Variants in AP3B2 observed in about 807,000 individuals in gnomAD.
AP3B2 encodes the protein AP-3 complex subunit beta-2.
Under a neutral mutation model 126.9 loss-of-function variants are expected in AP3B2, and 50 were observed. The observed-to-expected ratio is 0.39, with a 90% confidence interval of 0.31 to 0.50. AP3B2 has a LOEUF of 0.50. AP3B2 is among the 20% of genes least tolerant of loss of function. AP3B2 has a pLI of 0.79. For missense variants in AP3B2, 1,177 were observed against 1,426.4 expected, an observed-to-expected ratio of 0.83 and a Z score of 2.82; for synonymous variants, 541 against 565.0, an observed-to-expected ratio of 0.96 and a Z score of 0.60.
rs368511865 is a variant in AP3B2, at chr15:82,669,894, G to A, written c.1666-2961C>T. ...TGCATGCCTGTAATCCCAGCTACTC[G>A]GGAGGCTGAGGCAGGAGAATTGCTT... is the stretch of plus-strand genomic sequence containing the variant. On this transcript the variant is annotated intron_variant, in intron 14 of 26. Transcript: ENST00000535359. Among the ~76,000 whole-genome samples the A allele has an allele frequency of 3.0e-3, 428 of 141,558 alleles. 6 individuals are homozygous for A. Among genetic ancestry groups the A allele is most frequent in the Non-Finnish European group, 2.0e-3 (131 of 64,588 alleles). 92.9% of individuals were successfully genotyped at this position (141,558 alleles called of 152,430 possible). A position where few individuals can be genotyped will look rare whatever the true frequency, so the allele number is the denominator to read the frequency against.
intron 1 of AP3B2, among the ~76,000 whole-genome samples, chr15:82,707,054 G>A (rs112029740): frequency 2.6e-5 from 4 of 152,042 alleles, no homozygotes; most frequent in South Asian, 2.1e-4. Context: ...AGGCCACTGC[G>A]GTCATTTCTT....
chr15:82,670,787 A>G (rs973823873), intron 14 of AP3B2, among the ~76,000 whole-genome samples: 2 of 152,206 alleles, frequency 1.3e-5, no homozygotes, highest in Non-Finnish European at 2.9e-5. Flanking sequence ...AAAAATTTGC[A>G]AACTACCCAT....
In AP3B2 at chr15:82,665,376, A is replaced by AACACACACAC. The variant is rs60428596; in HGVS notation, c.1971+71_1972-74dup. On this transcript the variant is annotated intron_variant, in intron 16 of 26. Coordinates refer to ENST00000535359, the MANE Select transcript of AP3B2 (RefSeq NM_001278512.2). The surrounding 1 kb of genome is among the most constrained non-coding windows in gnomAD (Gnocchi z 4.4). ...GGGCTCCCTACTGTCTGCCCCCACC[A>AACACACACAC]ACACACACACACACACACACACACA... 2,067 of 1,255,804 alleles carry AACACACACAC rather than the reference A, an allele frequency of 1.6e-3. 4 individuals carry two copies. The highest frequency in any genetic ancestry group is 4.8e-3 in the African/African-American group (276 of 58,040). The allele number at this position is 1,255,804 out of a possible 1,614,324, so 77.8% of individuals were successfully genotyped here. A position where few individuals can be genotyped will look rare whatever the true frequency, so the allele number is the denominator to read the frequency against.
chr15:82,684,349 G>A (rs1278341847), intron 4 of AP3B2, among the ~76,000 whole-genome samples: 1 of 152,022 alleles, frequency 6.6e-6, no homozygotes, highest in Non-Finnish European at 1.5e-5. Context: ...TTTTGTTATG[G>A]AGATGGCTTC....
In AP3B2 at chr15:82,677,998, T is replaced by C. The variant is rs545724913; in HGVS notation, c.1245+107A>G. On this transcript the variant is annotated intron_variant, in intron 11 of 26. Coordinates refer to ENST00000535359, the MANE Select transcript of AP3B2 (RefSeq NM_001278512.2). The stretch of plus-strand genomic sequence containing the variant: ...AACACATTGGAACGGGAATGTAAGA[T>C]AATAGTTTCTCCAGCCTTGGGCTCA... The C allele has an allele frequency of 2.3e-5, 33 of 1,415,364 alleles. No homozygotes were observed. The African/African-American group carries it at 4.1e-4, about 18-fold the overall frequency. 87.7% of individuals were successfully genotyped at this position (1,415,364 alleles called of 1,614,324 possible). A position where few individuals can be genotyped will look rare whatever the true frequency, so the allele number is the denominator to read the frequency against.
At chr15:82,671,833 C>T (rs2048164513) in intron 14 of AP3B2, among the ~76,000 whole-genome samples, 1 of 151,982 alleles carries the variant, frequency 6.6e-6, no homozygotes, top group East Asian at 1.9e-4. Context: ...CACTTGCGGC[C>T]AGGAGTTCAA....
At chr15:82,691,628 C>T in intron 1 of AP3B2, 5 of 974,734 alleles carry the variant, frequency 5.1e-6, no homozygotes, top group South Asian at 4.0e-5. Flanking sequence ...AAAATAATTT[C>T]CTAAGACGCT....
At position 82,665,304 on chromosome 15, in the gene AP3B2, C is replaced by CTG. The variant is rs1259238416; in HGVS notation, c.1972-3_1972-2dup. 1.1e-5 allele frequency: 17 copies of CTG among 1,566,680 alleles called. 1 individual carries two copies. Among genetic ancestry groups the CTG allele is most frequent in the African/African-American group, 4.1e-5 (3 of 73,596 alleles). The stretch of plus-strand genomic sequence containing the variant: ...TCTCAATAAGGGAGAGATCTTCTTC[C>CTG]TGTGTGTGTGGGGGAGGGTGTTAGG... On this transcript the variant is annotated splice_acceptor_variant, in intron 16 of 26. Transcript: ENST00000535359. LOFTEE classifies it high-confidence loss of function. The surrounding 1 kb of genome is among the most constrained non-coding windows in gnomAD (Gnocchi z 4.4).
intron 1 of AP3B2, among the ~76,000 whole-genome samples, chr15:82,708,474 C>T (rs1396662689): frequency 6.6e-6 from 1 of 151,892 alleles, no homozygotes. Flanking sequence ...CTGAGGCTTC[C>T]ACCTCTTCCA....
At chr15:82,699,986 T>G (rs4779050) in intron 1 of AP3B2, 232,827 of 397,752 alleles carry the variant, frequency 0.59, 69,118 homozygotes, top group Non-Finnish European at 0.63. Context: ...CAGGGAGGGA[T>G]GCTCCGGTTT....
At chr15:82,699,248 C>T (rs2048679628) in intron 1 of AP3B2, 8 of 159,978 alleles carry the variant, frequency 5.0e-5, no homozygotes, top group Admixed American at 3.9e-4. Context: ...TCACCTCTTA[C>T]CACCTAAGTT....
chr15:82,661,784 T>C (rs1180957678), intron 25 of AP3B2, 41 bp downstream of exon 25: 2 of 1,530,582 alleles, frequency 1.3e-6, no homozygotes, highest in Middle Eastern at 1.7e-4. Context: ...TGGAGTCAGC[T>C]TCTATACTTC....
At chr15:82,679,983 C>T (rs887105875) in intron 9 of AP3B2, among the ~76,000 whole-genome samples, 183 bp from the exon 10 acceptor site, 81 of 152,148 alleles carry the variant, frequency 5.3e-4, no homozygotes, top group Non-Finnish European at 7.3e-4. Context: ...CTGGACATCC[C>T]CTCAGCGGCC....
At position 82,664,462 on chromosome 15, in the gene AP3B2, A is replaced by T. The variant is rs755579731; in HGVS notation, c.2166T>A (p.Ser722Arg). 6.2e-7 allele frequency: 1 copy of T among 1,613,698 alleles called. No homozygotes were observed. Among genetic ancestry groups the T allele is most frequent in the Non-Finnish European group, 8.5e-7 (1 of 1,179,806 alleles). The change falls in exon 19 of 27, where the codon AGT becomes AGA. Residue 722 changes from serine to arginine, a missense_variant. Ser to Arg is a moderately radical substitution (Grantham distance 110). Transcript: ENST00000535359. This position sits in a 1 kb window ranked among gnomAD's most constrained non-coding sequence, Gnocchi z 4.5. ...CAGAGCCGCTCTCACTGCTGCTCTT[A>T]CTGTCCGATTCACTCTCAGACTCAG... ...SDPESESESD[S>R]KSSSESGSGE...
intron 15 of AP3B2, 89 bp downstream of exon 15, chr15:82,666,658 G>C: frequency 7.0e-7 from 1 of 1,427,704 alleles, no homozygotes; most frequent in Non-Finnish European, 9.5e-7. Flanking sequence ...CTGGTGCCTG[G>C]CTAGGGGCCT....
intron 4 of AP3B2, chr15:82,686,817 G>C (rs1463007834): frequency 1.3e-5 from 2 of 151,954 alleles, no homozygotes; most frequent in Non-Finnish European, 2.9e-5. Context: ...TGCCTCCCGG[G>C]TTCAAGCCAT....
chr15:82,690,180 A>T (rs1300738477), intron 1 of AP3B2, among the ~76,000 whole-genome samples: 1 of 152,016 alleles, frequency 6.6e-6, no homozygotes, highest in Admixed American at 6.6e-5. Flanking sequence ...TTTGGCCTCC[A>T]GAGCTGTGAG....
chr15:82,659,751 G>C, intron 26 of AP3B2, 41 bp from the exon 27 acceptor site: 1 of 1,611,234 alleles, frequency 6.2e-7, no homozygotes, highest in East Asian at 2.2e-5. Context: ...GCTGCTAAGG[G>C]TGACTGTGTT....
intron 4 of AP3B2, among the ~76,000 whole-genome samples, chr15:82,683,830 T>G (rs996401325): frequency 6.6e-6 from 1 of 152,248 alleles, no homozygotes; most frequent in Non-Finnish European, 1.5e-5. Flanking sequence ...ACTGATTTTG[T>G]GTTAGCAGGC....
Sources: allele counts gnomAD v4.1 joint callset (sites outside exome capture counted in the v4.1 genomes callset), GRCh38; gene constraint gnomAD v4.1.1; non-coding constraint Gnocchi (gnomAD v3.1); transcripts MANE v1.5; gene names NCBI Gene and HGNC (gene_info 2026-07-23, HGNC 2026-07-21).